Variants in CRACDL observed in about 807,000 individuals in gnomAD.
CRACDL encodes the protein CRACD-like protein.
A neutral mutation model predicts 70.6 loss-of-function variants in CRACDL; 26 were observed. The observed-to-expected ratio is 0.37, with a 90% CI of 0.27 to 0.51. The LOEUF is 0.51. Among genes scored for constraint, CRACDL ranks in the 20% least tolerant of loss-of-function variants. The pLI, the probability that CRACDL is intolerant of heterozygous loss-of-function variation, is 0.94. For synonymous variants in CRACDL, 618 were observed against 615.2 expected, an observed-to-expected ratio of 1.00 and a Z score of -0.07; for missense variants, 1,283 against 1,376.9, an observed-to-expected ratio of 0.93 and a Z score of 1.08.
chr2:98,845,494 C>T (rs1304680423), intron 2 of CRACDL, among the ~76,000 whole-genome samples: 1 of 152,028 alleles, frequency 6.6e-6, no homozygotes, highest in Non-Finnish European at 1.5e-5. Flanking sequence ...TGTGCCTGGC[C>T]CATTTTCCTT....
At chr2:98,839,197 G>A (rs756950932) in intron 2 of CRACDL, among the ~76,000 whole-genome samples, 34 of 152,080 alleles carry the variant, frequency 2.2e-4, no homozygotes, top group Non-Finnish European at 5.0e-4. Context: ...TTGCCTCCTT[G>A]GGAAGCTTAC....
At chr2:98,813,533 T>C (rs1280312903) in intron 7 of CRACDL, among the ~76,000 whole-genome samples, 1 of 152,216 alleles carries the variant, frequency 6.6e-6, no homozygotes, top group East Asian at 1.9e-4. Flanking sequence ...TAGGCAAAAG[T>C]ATGAACCTTG....
chr2:98,807,162 G>C (rs1367988924), intron 7 of CRACDL, among the ~76,000 whole-genome samples: 1 of 152,172 alleles, frequency 6.6e-6, no homozygotes, highest in African/African-American at 2.4e-5. Context: ...GACTTGTCCA[G>C]GGTCCTTGGC....
At chr2:98,925,910 A>G (rs1450719115) in intron 1 of CRACDL, among the ~76,000 whole-genome samples, 4 of 152,020 alleles carry the variant, frequency 2.6e-5, no homozygotes, top group African/African-American at 9.7e-5. Context: ...CACTTTATTA[A>G]TTATTTTAAA....
At chr2:98,886,440 GAATAT>G (rs1322963957) in intron 1 of CRACDL, among the ~76,000 whole-genome samples, 1 of 152,216 alleles carries the variant, frequency 6.6e-6, no homozygotes, top group Non-Finnish European at 1.5e-5. Context: ...TGGGTATCTA[GAATAT>G]CACCTGCGCA....
In CRACDL at chr2:98,822,006, A is replaced by T; in HGVS notation, c.2267T>A (p.Leu756His). Residue 756 changes from leucine (L) to histidine (H), a missense_variant, in exon 7 of 10, where the codon CTC (leucine) becomes CAC (histidine). Leu to His is a moderately conservative substitution (Grantham distance 99). Transcript: ENST00000397899. This position sits in a 1 kb window ranked among gnomAD's most constrained non-coding sequence, Gnocchi z 4.9. ...CCGGGGCAGGGGCGGCTTGGAGCTG[A>T]GCGGCTCGGGGGGCCGGGCCTTCCC... ...GKGKARPPEP[L>H]SSKPPLPRKP... 1.3e-6 allele frequency: 2 copies of T among 1,537,518 alleles called. No individual in the cohort carries two copies. Among genetic ancestry groups the T allele is most frequent in the South Asian group, 2.4e-5 (2 of 82,916 alleles).
chr2:98,887,791 A>G (rs958794746), intron 1 of CRACDL, among the ~76,000 whole-genome samples: 6 of 152,370 alleles, frequency 3.9e-5, no homozygotes, highest in East Asian at 1.9e-4. Flanking sequence ...ATAAGATAAA[A>G]TTAGTAACTG....
chr2:98,803,057 T>C (rs1230887604), intron 7 of CRACDL, among the ~76,000 whole-genome samples: 2 of 149,558 alleles, frequency 1.3e-5, no homozygotes, highest in African/African-American at 5.0e-5. Context: ...TGGAGTGCAG[T>C]GGCGCAATCT....
chr2:98,885,978 C>T (rs956045659), intron 1 of CRACDL, among the ~76,000 whole-genome samples: 1 of 151,692 alleles, frequency 6.6e-6, no homozygotes, highest in African/African-American at 2.4e-5. Flanking sequence ...TGCAATAATT[C>T]AGGGAACATT....
chr2:98,798,337 T>C (rs1054207548), intron 7 of CRACDL, among the ~76,000 whole-genome samples: 2 of 149,398 alleles, frequency 1.3e-5, no homozygotes, highest in African/African-American at 4.9e-5. Flanking sequence ...AGTGACACTC[T>C]GGAGGCTGAG....
At chr2:98,853,076 G>T (rs1186709491) in intron 1 of CRACDL, among the ~76,000 whole-genome samples, 1 of 151,858 alleles carries the variant, frequency 6.6e-6, no homozygotes, top group Non-Finnish European at 1.5e-5. Flanking sequence ...AAAATATTTG[G>T]AGAACTTACG....
chr2:98,810,554 C>T (rs1270409243), intron 7 of CRACDL, among the ~76,000 whole-genome samples: 2 of 151,988 alleles, frequency 1.3e-5, no homozygotes, highest in Non-Finnish European at 2.9e-5. Context: ...ATTAGGATGA[C>T]CAGAACTTGC....
chr2:98,795,351 C>T (rs887738625), intron 9 of CRACDL, among the ~76,000 whole-genome samples: 1 of 151,966 alleles, frequency 6.6e-6, no homozygotes, highest in African/African-American at 2.4e-5. Flanking sequence ...GCTGGGATTA[C>T]AAGCGTAAGC....
At chr2:98,894,608 G>T (rs767226141) in intron 1 of CRACDL, among the ~76,000 whole-genome samples, 4 of 152,082 alleles carry the variant, frequency 2.6e-5, no homozygotes, top group Non-Finnish European at 4.4e-5. Flanking sequence ...AAACAGGCAA[G>T]AAACGGTGTG....
At chr2:98,810,476 G>C (rs1479954621) in intron 7 of CRACDL, among the ~76,000 whole-genome samples, 1 of 152,180 alleles carries the variant, frequency 6.6e-6, no homozygotes, top group Non-Finnish European at 1.5e-5. Context: ...TTGGAGGGAG[G>C]AGGTACTGTA....
Position 98,821,841 on chromosome 2 carries a change from C to T in CRACDL, c.2416+16G>A. 6.2e-7 allele frequency: 1 copy of T among 1,606,286 alleles called. No homozygotes were observed. Among genetic ancestry groups the T allele is most frequent in the Non-Finnish European group, 8.5e-7 (1 of 1,178,496 alleles). On this transcript the variant is annotated intron_variant, in intron 7 of 9. Transcript: ENST00000397899. ...CCCCAGGCCCTGCCCTTCCCGCACC[C>T]TCGGCGGGCTCTTACCAGCTCCCCT...
Position 98,883,773 on chromosome 2 carries a change from T to C in CRACDL, c.-10-36963A>G, listed in dbSNP as rs553643599. On this transcript the variant is annotated intron_variant, in intron 1 of 9. Transcript: ENST00000397899. ...CTTAACAGCCTGGGCCTAGTAAGTT[T>C]CTCACCTATCAAAAGGGGAAAACAA... is the stretch of plus-strand genomic sequence containing the variant. Among the ~76,000 whole-genome samples, 6 of 152,326 alleles carry C rather than the reference T, an allele frequency of 3.9e-5. 1 individual carries two copies. The South Asian group carries it at 1.2e-3, about 32-fold the overall frequency.
chr2:98,799,316 T>C (rs556330688), intron 7 of CRACDL, among the ~76,000 whole-genome samples: 4 of 152,288 alleles, frequency 2.6e-5, no homozygotes, highest in African/African-American at 7.2e-5. Context: ...TTCTTTTCCC[T>C]TAGTGCCCTG....
At chr2:98,831,806 C>G (rs185418834) in intron 5 of CRACDL, among the ~76,000 whole-genome samples, 18 of 152,280 alleles carry the variant, frequency 1.2e-4, no homozygotes. Context: ...ACTGGTTCCT[C>G]CACCCTGCTG....
Sources: gnomAD v4.1 joint callset for allele counts (sites outside exome capture counted in the v4.1 genomes callset) on GRCh38, gnomAD v4.1.1 for gene constraint, Gnocchi (gnomAD v3.1) non-coding constraint, MANE v1.5 for transcripts, NCBI Gene and HGNC (gene_info 2026-07-23, HGNC 2026-07-21) for gene names.